Variants in SPTLC3 observed in about 807,000 individuals in gnomAD.
The protein encoded by SPTLC3 is serine palmitoyltransferase long chain base subunit 3.
Under a neutral mutation model 59.3 loss-of-function variants are expected in SPTLC3, and 36 were observed. The ratio of observed to expected loss-of-function variants is 0.61; its 90% CI spans 0.47 to 0.80. The LOEUF is 0.80. SPTLC3 is among the 30% of genes least tolerant of loss of function. The pLI is 0.00. For synonymous variants in SPTLC3, 257 were observed against 240.8 expected (o/e 1.07, Z -0.62); for missense variants, 625 against 685.1 (o/e 0.91, Z 0.98).
At chr20:13,097,685 G>T (rs1053832003) in intron 6 of SPTLC3, among the ~76,000 whole-genome samples, 1 of 152,072 alleles carries the variant, frequency 6.6e-6, no homozygotes, top group Non-Finnish European at 1.5e-5. Context: ...TCATTTATAT[G>T]GGATGCAGGT....
chr20:13,145,309 T>G (rs928492911), intron 9 of SPTLC3, among the ~76,000 whole-genome samples: 1 of 152,084 alleles, frequency 6.6e-6, no homozygotes, highest in Non-Finnish European at 1.5e-5. Context: ...ACAAAATCAA[T>G]GTACTAAAAT....
chr20:13,024,000 G>T lies in SPTLC3; in HGVS notation c.117+14616G>T, dbSNP rs6109655. The stretch of plus-strand genomic sequence containing the variant: ...GTGTCCAAGAAAGTAAATGCGATCT[G>T]TTTTCCTATGAATGACCCATATATG... On this transcript the variant is annotated intron_variant, in intron 1 of 11. Transcript: ENST00000399002. 5.8e-3 allele frequency among the ~76,000 whole-genome samples: 883 copies of T among 152,208 alleles called. 10 individuals are homozygous for T. The highest frequency in any genetic ancestry group is 0.02 in the African/African-American group (845 of 41,536).
At chr20:13,051,202 T>G (rs543192034) in intron 2 of SPTLC3, among the ~76,000 whole-genome samples, 47 of 107,758 alleles carry the variant, frequency 4.4e-4, no homozygotes, top group Non-Finnish European at 7.7e-4. Flanking sequence ...GGAGACTCAC[T>G]TAACACATAA....
At chr20:13,097,845 T>A (rs1989473755) in intron 6 of SPTLC3, among the ~76,000 whole-genome samples, 1 of 152,098 alleles carries the variant, frequency 6.6e-6, no homozygotes, top group Admixed American at 6.6e-5. Flanking sequence ...AAGAACAGTA[T>A]CAGCCAAGTG....
intron 6 of SPTLC3, among the ~76,000 whole-genome samples, chr20:13,108,200 G>T (rs1216489214): frequency 6.6e-6 from 1 of 152,162 alleles, no homozygotes; most frequent in Non-Finnish European, 1.5e-5. Context: ...CCCACTCCAA[G>T]TCATAGGAAG....
chr20:13,024,989 T>C (rs1986072593), intron 1 of SPTLC3, among the ~76,000 whole-genome samples: 1 of 152,174 alleles, frequency 6.6e-6, no homozygotes, highest in African/African-American at 2.4e-5. Flanking sequence ...CTATTGCAAA[T>C]TTCTTTAGTA....
At chr20:13,044,368 C>T (rs186422777) in intron 1 of SPTLC3, among the ~76,000 whole-genome samples, 117 of 152,244 alleles carry the variant, frequency 7.7e-4, no homozygotes, top group African/African-American at 2.8e-3. Context: ...TCCCAAAGTG[C>T]TGGGATTACA....
chr20:13,090,995 T>G (rs547586176), intron 4 of SPTLC3, 88 bp from the exon 5 acceptor site: 2 of 1,540,076 alleles, frequency 1.3e-6, no homozygotes, highest in Non-Finnish European at 1.8e-6. Context: ...ATAGGTCTTT[T>G]GGTGATGTGT....
chr20:13,038,959 C>G (rs1986856601), intron 1 of SPTLC3, among the ~76,000 whole-genome samples: 1 of 151,846 alleles, frequency 6.6e-6, no homozygotes, highest in Non-Finnish European at 1.5e-5. Context: ...CCCATTTTTT[C>G]TGTTATTGAT....
chr20:13,044,787 A>G (rs1987155290), intron 1 of SPTLC3, among the ~76,000 whole-genome samples: 1 of 152,094 alleles, frequency 6.6e-6, no homozygotes, highest in Non-Finnish European at 1.5e-5. Context: ...AAATTAAGTG[A>G]CTTTCACAAG....
intron 9 of SPTLC3, among the ~76,000 whole-genome samples, chr20:13,148,465 C>T (rs900316953): frequency 3.9e-5 from 6 of 152,178 alleles, no homozygotes; most frequent in East Asian, 1.9e-4. Flanking sequence ...GTGAAAGCTT[C>T]GGAGCATGTA....
intron 1 of SPTLC3, among the ~76,000 whole-genome samples, chr20:13,030,915 C>T (rs530800363): frequency 3.0e-4 from 45 of 152,286 alleles, no homozygotes; most frequent in African/African-American, 1.0e-3. Context: ...AACCACTCCA[C>T]AGCACTCTTA....
chr20:13,137,774 A>T (rs184831285), intron 9 of SPTLC3, among the ~76,000 whole-genome samples: 6 of 152,310 alleles, frequency 3.9e-5, no homozygotes, highest in African/African-American at 1.4e-4. Flanking sequence ...AAAGAAAGCA[A>T]TCCAGGCCTT....
At position 13,032,676 on chromosome 20, in the gene SPTLC3, CACTA is replaced by C. The variant is rs1385790723; in HGVS notation, c.118-16267_118-16264del. Among the ~76,000 whole-genome samples, 6 of 152,244 alleles carry C rather than the reference CACTA, an allele frequency of 3.9e-5. No individual in the cohort carries two copies. The East Asian group carries it at 1.2e-3, about 29-fold the overall frequency. On this transcript the variant is annotated intron_variant, in intron 1 of 11. Transcript: ENST00000399002. ...TTCACTCATTTCTTCAGCAGATATT[CACTA>C]AACACTCTGCTGGGGACTCAATTTA...
chr20:13,060,475 G>C (rs1987925212), intron 2 of SPTLC3, among the ~76,000 whole-genome samples: 1 of 151,530 alleles, frequency 6.6e-6, no homozygotes, highest in Admixed American at 6.6e-5. Context: ...ATGAATTTAA[G>C]GGGTAAGAAT....
chr20:13,078,493 G>T (rs919489129), intron 4 of SPTLC3, among the ~76,000 whole-genome samples: 39 of 151,842 alleles, frequency 2.6e-4, no homozygotes, highest in African/African-American at 8.5e-4. Flanking sequence ...CAAAGAGATT[G>T]TACTATGATT....
chr20:13,134,103 C>G (rs566713643), intron 9 of SPTLC3, among the ~76,000 whole-genome samples: 7 of 152,286 alleles, frequency 4.6e-5, no homozygotes, highest in Non-Finnish European at 7.3e-5. Flanking sequence ...GTCAGGTGTA[C>G]GTACCATGCA....
At chr20:13,076,775 C>T (rs1300895761) in intron 4 of SPTLC3, among the ~76,000 whole-genome samples, 2 of 152,038 alleles carry the variant, frequency 1.3e-5, no homozygotes, top group African/African-American at 2.4e-5. Flanking sequence ...TAGGTCCCAC[C>T]GGGTACCTAG....
chr20:13,161,329 A>G (rs952923085), intron 11 of SPTLC3, among the ~76,000 whole-genome samples: 2 of 152,212 alleles, frequency 1.3e-5, no homozygotes, highest in African/African-American at 2.4e-5. Flanking sequence ...TGTTGAGACT[A>G]TGTGTCCATG....
Sources: gnomAD v4.1 joint callset for allele counts (sites outside exome capture counted in the v4.1 genomes callset) on GRCh38, gnomAD v4.1.1 for gene constraint, MANE v1.5 for transcripts, NCBI Gene and HGNC (gene_info 2026-07-23, HGNC 2026-07-21) for gene names.